VPS33A: variants seen among roughly 807,000 people sequenced by gnomAD.
VPS33A encodes the protein VPS33A core subunit of CORVET and HOPS complexes, also known as vacuolar protein sorting-associated protein 33A.
In VPS33A, 32 loss-of-function variants were observed where a neutral mutation model predicts 71.8. That is an observed-to-expected ratio of 0.45 (90% CI 0.34 to 0.60). The LOEUF (loss-of-function observed/expected upper bound fraction) is 0.60, where lower values mean the gene tolerates loss of function less well. VPS33A is among the 20% of genes least tolerant of loss of function. The probability of loss-of-function intolerance (pLI) is 0.02; values close to 1 mark genes in which losing one functional copy is unlikely to be tolerated. For missense variants in VPS33A, 625 were observed against 748.5 expected, an observed-to-expected ratio of 0.84 and a Z score of 1.92; for synonymous variants, 311 against 292.7, an observed-to-expected ratio of 1.06 and a Z score of -0.64.
chr12:122,250,946 G>C (rs1441520123), intron 5 of VPS33A, 37 bp downstream of exon 5: 2 of 1,507,464 alleles, frequency 1.3e-6, no homozygotes, highest in Admixed American at 1.7e-5. Context: ...GGGTGTGAAG[G>C]GCCCTCCTTT....
chr12:122,236,625 T>C (rs12578739), intron 10 of VPS33A, among the ~76,000 whole-genome samples: 32,984 of 152,214 alleles, frequency 0.22, 4,833 homozygotes, highest in East Asian at 0.62. Context: ...CAGGGTGAGA[T>C]ACTGTCTCAA....
At chr12:122,234,667 C>G (rs1038996805) in intron 11 of VPS33A, among the ~76,000 whole-genome samples, 2 of 152,218 alleles carry the variant, frequency 1.3e-5, no homozygotes, top group South Asian at 4.1e-4. Context: ...CCGCAATGCT[C>G]TGTGCCCGGA....
At chr12:122,245,540 T>C (rs763889145) in intron 6 of VPS33A, among the ~76,000 whole-genome samples, 1 of 150,588 alleles carries the variant, frequency 6.6e-6, no homozygotes, top group Non-Finnish European at 1.5e-5. Flanking sequence ...ACCTCCTGGG[T>C]TCAAATGATT....
chr12:122,266,376 G>A lies in VPS33A; in HGVS notation c.33C>T (p.Asn11=), dbSNP rs1387849296. The change falls in exon 1 of 13, where the codon AAC becomes AAT. Residue 11 remains asparagine (N), a synonymous_variant. Transcript: ENST00000267199. MAAHLSYGRV[N]LNVLREAVRR... is the part of the protein sequence containing the mutation. ...GCACCGCCTCGCGCAACACGTTTAGGTTCACTCGGCCGTAGGACAGATGAG... is the reference window on the plus strand; with the variant it reads ...GCACCGCCTCGCGCAACACGTTTAGATTCACTCGGCCGTAGGACAGATGAG... 2 of 1,613,610 alleles carry A rather than the reference G, an allele frequency of 1.2e-6. No homozygotes were observed. Among genetic ancestry groups the A allele is most frequent in the Non-Finnish European group, 1.7e-6 (2 of 1,179,966 alleles).
At chr12:122,238,766 T>TATACAC (rs1954665264) in intron 9 of VPS33A, 42 bp from the exon 10 acceptor site, 1 of 1,354,076 alleles carries the variant, frequency 7.4e-7, no homozygotes, top group East Asian at 2.4e-5. Context: ...CATTTACATA[T>TATACAC]ACATACACAC....
intron 12 of VPS33A, 142 bp from the exon 13 acceptor site, chr12:122,232,569 G>T: frequency 1.8e-6 from 2 of 1,091,850 alleles, no homozygotes; most frequent in Non-Finnish European, 2.5e-6. Flanking sequence ...TACTGATTTT[G>T]ATCTCAACAT....
Position 122,242,260 on chromosome 12 carries a change from C to A in VPS33A, c.1096+122G>T, listed in dbSNP as rs1954724489. The A allele has an allele frequency of 5.0e-6, 6 of 1,200,332 alleles. No homozygotes were observed. The African/African-American group carries it at 9.1e-5, about 18-fold the overall frequency. 74.4% of individuals were successfully genotyped at this position (1,200,332 alleles called of 1,614,324 possible). A position where few individuals can be genotyped will look rare whatever the true frequency, so the allele number is the denominator to read the frequency against. The stretch of plus-strand genomic sequence containing the variant: ...TATACTTCATTAACACTGAGAAGAA[C>A]ACGTGGTATTAAGACAGAGCTGACT... On this transcript the variant is annotated intron_variant, in intron 8 of 12. Transcript: ENST00000267199.
chr12:122,240,071 T>A, intron 8 of VPS33A, 126 bp from the exon 9 acceptor site: 1 of 707,336 alleles, frequency 1.4e-6, no homozygotes, highest in Non-Finnish European at 2.4e-6. Flanking sequence ...CTCACACCTG[T>A]AATCTCAGCA....
At chr12:122,239,589 C>T (rs1292178642) in intron 9 of VPS33A, among the ~76,000 whole-genome samples, 1 of 151,686 alleles carries the variant, frequency 6.6e-6, no homozygotes, top group East Asian at 1.9e-4. Context: ...AAAAAATTAG[C>T]CAGGTGTGGT....
chr12:122,250,933 T>C (rs1954834417), intron 5 of VPS33A, 50 bp downstream of exon 5: 4 of 1,358,602 alleles, frequency 2.9e-6, no homozygotes, highest in South Asian at 2.4e-5. Flanking sequence ...CTCCTCCCTT[T>C]TGGGGTGTGA....
chr12:122,261,153 A>C, intron 4 of VPS33A, 108 bp downstream of exon 4: 1 of 935,064 alleles, frequency 1.1e-6, no homozygotes, highest in Admixed American at 3.1e-5. Flanking sequence ...AAACATCAAT[A>C]AACATATAAA....
At chr12:122,250,568 A>G (rs941485909) in intron 5 of VPS33A, among the ~76,000 whole-genome samples, 3 of 152,192 alleles carry the variant, frequency 2.0e-5, no homozygotes, top group Non-Finnish European at 2.9e-5. Flanking sequence ...GGCACACCAC[A>G]GCCTTCTTGT....
At chr12:122,251,556 G>C (rs1954843832) in intron 4 of VPS33A, among the ~76,000 whole-genome samples, 1 of 152,156 alleles carries the variant, frequency 6.6e-6, no homozygotes, top group Admixed American at 6.6e-5. Flanking sequence ...GGATGAGGCA[G>C]ATTTTCATGA....
At position 122,244,554 on chromosome 12, in the gene VPS33A, C is replaced by A. The variant is rs1246426654; in HGVS notation, c.969+15G>T. The A allele has an allele frequency of 6.3e-7, 1 of 1,578,202 alleles. No homozygotes were observed. Among genetic ancestry groups the A allele is most frequent in the Non-Finnish European group, 8.7e-7 (1 of 1,152,740 alleles). The stretch of plus-strand genomic sequence containing the variant: ...AGGCCTAGAGTTGCAGAATGACACC[C>A]AAAACTTGCCTCACCTCGAATGCTG... On this transcript the variant is annotated intron_variant, in intron 7 of 12. Coordinates refer to ENST00000267199, the MANE Select transcript of VPS33A (RefSeq NM_022916.6).
Position 122,238,680 on chromosome 12 carries a change from C to T in VPS33A, c.1209G>A (p.Leu403=), listed in dbSNP as rs1954662852. The T allele has an allele frequency of 1.2e-6, 2 of 1,613,462 alleles. No homozygotes were observed. The highest frequency in any genetic ancestry group is 1.7e-6 in the Non-Finnish European group (2 of 1,179,874). ...IEDCIAQKHS[L]IKVLRLVCLQ... is the part of the protein sequence containing the mutation. ...GGCAAACTAGTCTTAACACCTTGATCAACGAGTGCTTTTGGGCGATACAAT... is the reference window on the plus strand; with the variant it reads ...GGCAAACTAGTCTTAACACCTTGATTAACGAGTGCTTTTGGGCGATACAAT... The change falls in exon 10 of 13, where the codon TTG becomes TTA. Residue 403 remains leucine (L), a synonymous_variant. Coordinates refer to ENST00000267199, the MANE Select transcript of VPS33A (RefSeq NM_022916.6).
intron 8 of VPS33A, 152 bp from the exon 9 acceptor site, chr12:122,240,097 G>A (rs925077293): frequency 1.6e-6 from 1 of 621,688 alleles, no homozygotes; most frequent in Non-Finnish European, 2.8e-6. Context: ...GGGGGCCGAG[G>A]TGGGTGGATC....
At chr12:122,249,098 T>G (rs1247107028) in intron 6 of VPS33A, 1 of 152,190 alleles carries the variant, frequency 6.6e-6, no homozygotes, top group Non-Finnish European at 1.5e-5. Context: ...AGTTATTTTT[T>G]ATAAATATAT....
Position 122,238,670 on chromosome 12 carries a change from A to C in VPS33A, c.1219T>G (p.Leu407Val). Reference sequence around the variant, plus strand: ...ACGGATTGGAGGCAAACTAGTCTTAACACCTTGATCAACGAGTGCTTTTGG... The same window carrying C: ...ACGGATTGGAGGCAAACTAGTCTTACCACCTTGATCAACGAGTGCTTTTGG... The part of the protein sequence containing the change: ...IAQKHSLIKV[L>V]RLVCLQSVCN... Residue 407 changes from leucine to valine, a missense_variant, in exon 10 of 13, where the codon TTA (leucine) becomes GTA (valine). Transcript: ENST00000267199. The C allele has an allele frequency of 6.2e-7, 1 of 1,613,934 alleles. No homozygotes were observed. Among genetic ancestry groups the C allele is most frequent in the Non-Finnish European group, 8.5e-7 (1 of 1,180,000 alleles).
intron 4 of VPS33A, 128 bp downstream of exon 4, chr12:122,261,133 A>T (rs1954988185): frequency 1.3e-6 from 1 of 776,338 alleles, no homozygotes; most frequent in Non-Finnish European, 1.9e-6. Context: ...TTTGTTGAAC[A>T]GAAAATCTTA....
Sources: allele counts gnomAD v4.1 joint callset (sites outside exome capture counted in the v4.1 genomes callset), GRCh38; gene constraint gnomAD v4.1.1; transcripts MANE v1.5; gene names NCBI Gene and HGNC (gene_info 2026-07-23, HGNC 2026-07-21).